DOCK3: variants seen among roughly 807,000 people sequenced by gnomAD.
The protein encoded by DOCK3 is dedicator of cytokinesis protein 3.
A neutral mutation model predicts 265.6 loss-of-function variants in DOCK3; 60 were observed. The observed-to-expected ratio is 0.23, with a 90% CI of 0.18 to 0.28. DOCK3 has a LOEUF of 0.28. Ranked by LOEUF, DOCK3 falls within the 10% of genes least tolerant of loss-of-function variation. DOCK3 has a pLI of 1.00. For synonymous variants in DOCK3, 881 were observed against 938.0 expected (o/e 0.94, Z 1.11); for missense variants, 1,981 against 2,594.3 (o/e 0.76, Z 5.14).
intron 9 of DOCK3, among the ~76,000 whole-genome samples, chr3:51,121,068 G>A (rs1415326255): frequency 6.6e-6 from 1 of 152,194 alleles, no homozygotes; most frequent in Non-Finnish European, 1.5e-5. Context: ...CTAGCTCAGT[G>A]TCTGCCCAAA....
chr3:51,150,586 A>T (rs901322925), intron 10 of DOCK3, among the ~76,000 whole-genome samples: 11 of 151,776 alleles, frequency 7.2e-5, no homozygotes, highest in African/African-American at 2.7e-4. Context: ...GCCTTCATTT[A>T]GTTATTAACC....
chr3:51,257,809 T>A (rs2079631860), intron 22 of DOCK3, among the ~76,000 whole-genome samples: 1 of 152,228 alleles, frequency 6.6e-6, no homozygotes, highest in Non-Finnish European at 1.5e-5. Flanking sequence ...TTGAACAAAT[T>A]CCACAGGCTC....
At chr3:50,782,289 A>ATTTTTT (rs71084112) in intron 2 of DOCK3, among the ~76,000 whole-genome samples, 2,437 of 109,878 alleles carry the variant, frequency 0.022, 176 homozygotes, top group Non-Finnish European at 0.03. Context: ...AGTACCTGTT[A>ATTTTTT]TTTTTTTTTT....
intron 1 of DOCK3, among the ~76,000 whole-genome samples, chr3:50,704,187 C>G (rs2036237647): frequency 6.6e-6 from 1 of 152,098 alleles, no homozygotes; most frequent in Non-Finnish European, 1.5e-5. Flanking sequence ...GCTTTATGGC[C>G]TAACGTATGG....
At chr3:51,082,293 A>G (rs1170113669) in intron 7 of DOCK3, among the ~76,000 whole-genome samples, 1 of 151,724 alleles carries the variant, frequency 6.6e-6, no homozygotes, top group East Asian at 1.9e-4. Flanking sequence ...CTTGGGTCCA[A>G]CACACCCGAA....
At chr3:51,336,286 T>C (rs533345977) in intron 35 of DOCK3, among the ~76,000 whole-genome samples, 1 of 152,092 alleles carries the variant, frequency 6.6e-6, no homozygotes, top group Non-Finnish European at 1.5e-5. Context: ...AGATTCTCAC[T>C]GGTAGTAACT....
intron 1 of DOCK3, among the ~76,000 whole-genome samples, chr3:50,738,272 A>T (rs187355133): frequency 6.6e-6 from 1 of 152,262 alleles, no homozygotes; most frequent in Admixed American, 6.5e-5. Flanking sequence ...AGGTTCATGG[A>T]AGTCAGCCTG....
intron 49 of DOCK3, among the ~76,000 whole-genome samples, chr3:51,373,995 C>G (rs142205750): frequency 6.6e-6 from 1 of 152,086 alleles, no homozygotes; most frequent in Non-Finnish European, 1.5e-5. Flanking sequence ...AAGGTAAGTG[C>G]GTAAAGACAC....
chr3:50,923,393 T>G (rs1193131549), intron 4 of DOCK3, among the ~76,000 whole-genome samples: 1 of 152,216 alleles, frequency 6.6e-6, no homozygotes, highest in African/African-American at 2.4e-5. Flanking sequence ...ATGCAAGAAT[T>G]GAATATTATG....
chr3:50,723,852 C>T (rs779087136), intron 1 of DOCK3, among the ~76,000 whole-genome samples: 6 of 152,170 alleles, frequency 3.9e-5, no homozygotes, highest in Non-Finnish European at 7.3e-5. Flanking sequence ...CAGATGGGAT[C>T]TAATTAAACT....
chr3:51,053,714 C>T lies in DOCK3; in HGVS notation c.316-10734C>T, dbSNP rs2081092946. Among the ~76,000 whole-genome samples the T allele has an allele frequency of 2.0e-5, 3 of 152,160 alleles. 1 individual carries two copies. The South Asian group carries it at 6.2e-4, about 31-fold the overall frequency. Reference sequence around the variant, plus strand: ...GGGATTACAGGCATGAGCCACCATGCTGGGCTGTATCACCATTTTTTGAAC... The same window carrying T: ...GGGATTACAGGCATGAGCCACCATGTTGGGCTGTATCACCATTTTTTGAAC... On this transcript the variant is annotated intron_variant, in intron 5 of 52. Coordinates refer to ENST00000266037, the MANE Select transcript of DOCK3 (RefSeq NM_004947.5).
chr3:50,980,616 A>G (rs1249323197), intron 5 of DOCK3, among the ~76,000 whole-genome samples: 6 of 152,074 alleles, frequency 3.9e-5, no homozygotes, highest in Admixed American at 3.9e-4. Flanking sequence ...GATACTTTTT[A>G]TAATTGATTC....
intron 3 of DOCK3, among the ~76,000 whole-genome samples, chr3:50,883,457 C>T (rs1198439275): frequency 1.3e-5 from 2 of 151,886 alleles, no homozygotes; most frequent in Non-Finnish European, 2.9e-5. Context: ...TAGTGTAGTT[C>T]CATGGTTTTT....
intron 5 of DOCK3, among the ~76,000 whole-genome samples, chr3:51,047,472 CA>C (rs2080823500): frequency 6.8e-6 from 1 of 147,506 alleles, no homozygotes; most frequent in Non-Finnish European, 1.5e-5. Context: ...AGAAAAAAAT[CA>C]AAAAGATGGT....
intron 27 of DOCK3, among the ~76,000 whole-genome samples, chr3:51,290,902 AC>A (rs898617959): frequency 3.3e-5 from 5 of 151,902 alleles, no homozygotes; most frequent in Non-Finnish European, 7.4e-5. Context: ...AAGATGTGAA[AC>A]CCTGTCTCTA....
intron 3 of DOCK3, among the ~76,000 whole-genome samples, chr3:50,860,814 T>C (rs186658242): frequency 2.0e-5 from 3 of 152,222 alleles, no homozygotes; most frequent in Non-Finnish European, 4.4e-5. Flanking sequence ...AGCCAGTGGG[T>C]CTTATCTTCT....
intron 5 of DOCK3, among the ~76,000 whole-genome samples, chr3:50,978,659 G>C (rs796081877): frequency 2.0e-5 from 3 of 152,224 alleles, no homozygotes; most frequent in Non-Finnish European, 2.9e-5. Flanking sequence ...TCCTTGAGCT[G>C]TGGTGGGCTC....
intron 1 of DOCK3, among the ~76,000 whole-genome samples, chr3:50,775,988 A>C (rs1370463697): frequency 6.6e-6 from 1 of 152,030 alleles, no homozygotes; most frequent in Non-Finnish European, 1.5e-5. Context: ...CTTGTTGGTC[A>C]GTGCGCATTT....
intron 3 of DOCK3, among the ~76,000 whole-genome samples, chr3:50,880,859 A>C (rs2107654288): frequency 6.6e-6 from 1 of 152,344 alleles, no homozygotes; most frequent in South Asian, 2.1e-4. Flanking sequence ...CTTGATGAAC[A>C]TTGATGCAAA....
Sources: allele counts gnomAD v4.1 joint callset (sites outside exome capture counted in the v4.1 genomes callset), GRCh38; gene constraint gnomAD v4.1.1; transcripts MANE v1.5; gene names NCBI Gene and HGNC (gene_info 2026-07-23, HGNC 2026-07-21).